CLIP4: variants seen among roughly 807,000 people sequenced by gnomAD.
CLIP4 encodes the protein CAP-Gly domain containing linker protein family member 4.
CLIP4 carries 47 observed loss-of-function variants against 73.1 expected under a neutral mutation model. The ratio of observed to expected loss-of-function variants is 0.64; its 90% CI spans 0.51 to 0.82. CLIP4 has a LOEUF of 0.82. Among genes scored for constraint, CLIP4 ranks in the 40% least tolerant of loss-of-function variants. CLIP4 has a pLI of 0.00. For missense variants in CLIP4, 874 were observed against 852.9 expected (o/e 1.02, Z -0.31); for synonymous variants, 306 against 295.4 (o/e 1.04, Z -0.37).
At chr2:29,097,921 C>T (rs1330051564) in exon 1 of CLIP4, 2 of 152,200 alleles carry the variant, frequency 1.3e-5, no homozygotes, top group East Asian at 1.9e-4. Context: ...TTCTACGTGA[C>T]ACTGAGAAGA....
chr2:29,178,182 A>ATT (rs755505721), intron 15 of CLIP4, among the ~76,000 whole-genome samples: 6 of 144,666 alleles, frequency 4.1e-5, no homozygotes, highest in South Asian at 2.2e-4. Context: ...ATGTGTCTGA[A>ATT]TTTTTTTTTT....
intron 11 of CLIP4, among the ~76,000 whole-genome samples, chr2:29,158,700 A>G (rs530483830): frequency 6.6e-6 from 1 of 152,344 alleles, no homozygotes; most frequent in South Asian, 2.1e-4. Flanking sequence ...TAGAGAAAGA[A>G]GAGTGGAAAT....
chr2:29,128,636 T>TTAAC (rs1338189951), intron 2 of CLIP4, among the ~76,000 whole-genome samples: 7 of 152,152 alleles, frequency 4.6e-5, no homozygotes, highest in Non-Finnish European at 1.0e-4. Flanking sequence ...TTTAGTCGTT[T>TTAAC]TAACAGGAGC....
chr2:29,122,673 A>C (rs953294570), intron 2 of CLIP4, among the ~76,000 whole-genome samples: 1 of 152,060 alleles, frequency 6.6e-6, no homozygotes, highest in African/African-American at 2.4e-5. Flanking sequence ...CTAAAAATAC[A>C]AAAATTAGCC....
chr2:29,153,575 C>G (rs1251536910), intron 9 of CLIP4, among the ~76,000 whole-genome samples: 1 of 152,096 alleles, frequency 6.6e-6, no homozygotes, highest in Admixed American at 6.5e-5. Context: ...GTGCAAGTGT[C>G]CTATTCTCTC....
intron 12 of CLIP4, among the ~76,000 whole-genome samples, chr2:29,163,122 A>G (rs1667395339): frequency 6.6e-6 from 1 of 152,158 alleles, no homozygotes; most frequent in African/African-American, 2.4e-5. Flanking sequence ...GTAAAACCAC[A>G]TTTAAAGCAA....
chr2:29,168,511 CCTTT>C (rs1667775464), intron 14 of CLIP4, among the ~76,000 whole-genome samples: 1 of 128,072 alleles, frequency 7.8e-6, no homozygotes, highest in African/African-American at 3.0e-5. Context: ...TATGGTTTGC[CCTTT>C]TTTTTTTTTT....
chr2:29,121,837 G>C (rs1664268974), intron 2 of CLIP4, among the ~76,000 whole-genome samples: 1 of 152,014 alleles, frequency 6.6e-6, no homozygotes. Flanking sequence ...ATTTATTTTG[G>C]TTAAATATAC....
chr2:29,110,416 A>G (rs1175307161), upstream of CLIP4, among the ~76,000 whole-genome samples: 1 of 152,230 alleles, frequency 6.6e-6, no homozygotes, highest in Non-Finnish European at 1.5e-5. Flanking sequence ...GATATCATAA[A>G]CTTTTTGAAG....
chr2:29,134,911 A>G (rs1012152136), intron 5 of CLIP4, among the ~76,000 whole-genome samples: 1 of 152,192 alleles, frequency 6.6e-6, no homozygotes, highest in African/African-American at 2.4e-5. Flanking sequence ...TCTATGCTTA[A>G]TTAGACTTTA....
intron 5 of CLIP4, 93 bp downstream of exon 5, chr2:29,133,909 T>A: frequency 8.6e-7 from 1 of 1,157,648 alleles, no homozygotes; most frequent in Non-Finnish European, 1.2e-6. Flanking sequence ...TTCCTTCTAA[T>A]CCATCTTGTT....
chr2:29,122,360 T>A (rs1664314319), intron 2 of CLIP4, among the ~76,000 whole-genome samples: 1 of 152,028 alleles, frequency 6.6e-6, no homozygotes, highest in Non-Finnish European at 1.5e-5. Context: ...AGTAATCAAC[T>A]GGGCTTATTT....
chr2:29,149,725 T>C (rs991933212), intron 8 of CLIP4, among the ~76,000 whole-genome samples: 2 of 40,740 alleles, frequency 4.9e-5, no homozygotes, highest in African/African-American at 1.1e-4. Flanking sequence ...ATGCTTTGGC[T>C]AATAAAAAAA....
At position 29,132,219 on chromosome 2, in the gene CLIP4, C is replaced by T; in HGVS notation, c.341C>T (p.Thr114Ile). The T allele has an allele frequency of 1.2e-6, 2 of 1,613,384 alleles. No individual in the cohort carries two copies. Among genetic ancestry groups the T allele is most frequent in the South Asian group, 1.1e-5 (1 of 91,044 alleles). The change falls in exon 4 of 16, where the codon ACC becomes ATC. Residue 114 changes from threonine (T) to isoleucine (I), a missense_variant. Physicochemically the swap from Thr to Ile is moderately conservative, Grantham distance 89. Coordinates refer to ENST00000320081, the MANE Select transcript of CLIP4 (RefSeq NM_024692.6). The part of the protein sequence containing the change: ...GLTDMTLLHY[T>I]CKSGAHGIGD... ...ACAGATATGACTCTTTTACATTATA[C>T]CTGCAAATCTGGAGCTCATGGTATT...
At position 29,133,727 on chromosome 2, in the gene CLIP4, G is replaced by T; in HGVS notation, c.440G>T (p.Arg147Leu). ...DLGADISLRS[R>L]WTNMNALHYA... ...GGAGCAGACATTAGTTTGCGGAGTC[G>T]CTGGACAAACATGAATGCTTTGCAT... is the stretch of plus-strand genomic sequence containing the variant. Residue 147 changes from arginine (R) to leucine (L), a missense_variant, in exon 5 of 16, where the codon CGC (arginine) becomes CTC (leucine). By Grantham distance (102) the Arg-to-Leu change is moderately radical. Coordinates refer to ENST00000320081, the MANE Select transcript of CLIP4 (RefSeq NM_024692.6). 6.2e-7 allele frequency: 1 copy of T among 1,613,712 alleles called. No homozygotes were observed. Among genetic ancestry groups the T allele is most frequent in the Non-Finnish European group, 8.5e-7 (1 of 1,179,824 alleles).
upstream of CLIP4, among the ~76,000 whole-genome samples, chr2:29,112,141 C>T (rs758634330): frequency 6.6e-6 from 1 of 152,178 alleles, no homozygotes; most frequent in Non-Finnish European, 1.5e-5. Flanking sequence ...TGTTCCTATA[C>T]CAGTACCATA....
chr2:29,146,612 A>T (rs948775921), intron 8 of CLIP4, among the ~76,000 whole-genome samples: 2 of 152,164 alleles, frequency 1.3e-5, no homozygotes, highest in Admixed American at 6.5e-5. Context: ...TTCTTTTAGA[A>T]CATTGTTTTC....
chr2:29,125,483 C>A (rs1664537860), intron 2 of CLIP4, among the ~76,000 whole-genome samples: 1 of 152,138 alleles, frequency 6.6e-6, no homozygotes, highest in Non-Finnish European at 1.5e-5. Flanking sequence ...GTTCCCCAGA[C>A]TCTTAGCTCT....
intron 1 of CLIP4, among the ~76,000 whole-genome samples, chr2:29,098,223 G>A (rs925548047): frequency 1.2e-4 from 18 of 152,126 alleles, no homozygotes; most frequent in Admixed American, 3.3e-4. Context: ...TTCTTCTTAC[G>A]ATCAATGAAT....
Sources: gnomAD v4.1 joint callset for allele counts (sites outside exome capture counted in the v4.1 genomes callset) on GRCh38, gnomAD v4.1.1 for gene constraint, MANE v1.5 for transcripts, NCBI Gene and HGNC (gene_info 2026-07-23, HGNC 2026-07-21) for gene names.